The following ARB2A variants were observed in gnomAD, a reference collection of about 807,000 sequenced individuals.
ARB2A encodes the protein cotranscriptional regulator ARB2A.
At chr5:94,063,500 G>C in the ARB2A span, among the ~76,000 whole-genome samples, 1 of 151,970 alleles carries the variant, frequency 6.6e-6, no homozygotes. Context: ...CCATCCACTG[G>C]CCTGACCCAC....
chr5:93,712,625 A>C, the ARB2A span, among the ~76,000 whole-genome samples: 1 of 152,226 alleles, frequency 6.6e-6, no homozygotes, highest in Non-Finnish European at 1.5e-5. Context: ...TGCAAAAATC[A>C]ATTTTAATTC....
the ARB2A span, among the ~76,000 whole-genome samples, chr5:93,757,585 C>T: frequency 6.6e-6 from 1 of 152,140 alleles, no homozygotes; most frequent in Non-Finnish European, 1.5e-5. Context: ...TCAGTCTCCT[C>T]AAACAAAACA....
At chr5:93,997,995 C>T in the ARB2A span, among the ~76,000 whole-genome samples, 1 of 151,406 alleles carries the variant, frequency 6.6e-6, no homozygotes, top group African/African-American at 2.4e-5. Flanking sequence ...ATATGTGTGT[C>T]TATACACACA....
the ARB2A span, among the ~76,000 whole-genome samples, chr5:93,880,303 A>G: frequency 2.6e-5 from 4 of 151,900 alleles, no homozygotes; most frequent in South Asian, 6.2e-4. Flanking sequence ...AGACTGACCT[A>G]TAAATAAAAT....
At chr5:94,080,777 T>C in the ARB2A span, among the ~76,000 whole-genome samples, 2 of 152,208 alleles carry the variant, frequency 1.3e-5, no homozygotes, top group Non-Finnish European at 2.9e-5. Context: ...CAGGTCTCCA[T>C]GTAAATTCAA....
the ARB2A span, among the ~76,000 whole-genome samples, chr5:93,712,255 A>G: frequency 6.6e-6 from 1 of 152,138 alleles, no homozygotes. Flanking sequence ...AACAAAACAA[A>G]ACAAAACAAA....
At chr5:93,681,963 T>C in the ARB2A span, among the ~76,000 whole-genome samples, 1 of 152,190 alleles carries the variant, frequency 6.6e-6, no homozygotes, top group Non-Finnish European at 1.5e-5. Context: ...ATTTCTGACA[T>C]ATCCTAAATG....
the ARB2A span, among the ~76,000 whole-genome samples, chr5:93,771,303 G>T: frequency 2.2e-3 from 336 of 151,608 alleles, 1 homozygote; most frequent in African/African-American, 7.2e-3. Flanking sequence ...CAAAAATTAA[G>T]TCAAGATGGA....
At chr5:93,768,451 C>A in the ARB2A span, among the ~76,000 whole-genome samples, 1 of 149,234 alleles carries the variant, frequency 6.7e-6, no homozygotes, top group Non-Finnish European at 1.5e-5. Context: ...TGCAAGACCC[C>A]TCAAATATCC....
At chr5:93,708,097 AT>A in the ARB2A span, among the ~76,000 whole-genome samples, 8 of 151,828 alleles carry the variant, frequency 5.3e-5, no homozygotes, top group Non-Finnish European at 1.0e-4. Flanking sequence ...CTGTACATGT[AT>A]TTTTTTTCCT....
At chr5:94,036,585 T>C in the ARB2A span, among the ~76,000 whole-genome samples, 1 of 152,222 alleles carries the variant, frequency 6.6e-6, no homozygotes, top group Non-Finnish European at 1.5e-5. Context: ...TTAAAGACTA[T>C]TTGCATTTCT....
chr5:93,930,749 G>A, the ARB2A span, among the ~76,000 whole-genome samples: 1 of 152,094 alleles, frequency 6.6e-6, no homozygotes, highest in Non-Finnish European at 1.5e-5. Context: ...GTAAATATAA[G>A]CATAGTTCTG....
chr5:94,056,674 T>C, the ARB2A span, among the ~76,000 whole-genome samples: 3 of 152,078 alleles, frequency 2.0e-5, no homozygotes, highest in Non-Finnish European at 2.9e-5. Context: ...TGTATAAAAA[T>C]ACGATTTCAT....
the ARB2A span, among the ~76,000 whole-genome samples, chr5:93,918,775 C>T: frequency 2.0e-5 from 3 of 152,226 alleles, no homozygotes; most frequent in East Asian, 5.8e-4. Context: ...TGTATTTGGT[C>T]ACTAAGTACT....
the ARB2A span, among the ~76,000 whole-genome samples, chr5:93,783,021 A>G: frequency 6.6e-6 from 1 of 152,142 alleles, no homozygotes; most frequent in Non-Finnish European, 1.5e-5. Flanking sequence ...ACAGATTAAT[A>G]TATTCTGATT....
chr5:94,056,786 T>C, the ARB2A span, among the ~76,000 whole-genome samples: 138 of 152,290 alleles, frequency 9.1e-4, no homozygotes, highest in African/African-American at 3.2e-3. Flanking sequence ...CAAGTGTACA[T>C]AGATGGGTGA....
chr5:93,944,644 G>T, the ARB2A span, among the ~76,000 whole-genome samples: 1 of 151,588 alleles, frequency 6.6e-6, no homozygotes, highest in African/African-American at 2.4e-5. Flanking sequence ...AGATAGGGAG[G>T]AGGGAGAAAA....
the ARB2A span, among the ~76,000 whole-genome samples, chr5:93,828,590 C>T: frequency 2.0e-5 from 3 of 152,142 alleles, no homozygotes; most frequent in Admixed American, 2.0e-4. Flanking sequence ...CAATCTCTAG[C>T]CTAGCCTCAA....
the ARB2A span, among the ~76,000 whole-genome samples, chr5:93,852,232 T>C: frequency 6.6e-6 from 1 of 152,296 alleles, no homozygotes; most frequent in Non-Finnish European, 1.5e-5. Flanking sequence ...TCATGTGTTC[T>C]TTGGCTGCAT....
Sources: gnomAD v4.1 joint callset for allele counts (sites outside exome capture counted in the v4.1 genomes callset) on GRCh38, gnomAD v4.1.1 for gene constraint, MANE v1.5 for transcripts, NCBI Gene and HGNC (gene_info 2026-07-23, HGNC 2026-07-21) for gene names.